The following MGAM variants were observed in gnomAD, a reference collection of about 807,000 sequenced individuals.
MGAM encodes the protein maltase-glucoamylase.
MGAM carries 253 observed loss-of-function variants against 358.8 expected under a neutral mutation model. That is an observed-to-expected ratio of 0.71 (90% CI 0.64 to 0.78). The LOEUF (loss-of-function observed/expected upper bound fraction) is 0.78. Among genes scored for constraint, MGAM ranks in the 30% least tolerant of loss-of-function variants. MGAM has a pLI of 0.00. For missense variants in MGAM, 3,080 were observed against 3,432.6 expected (o/e 0.90, Z 2.57); for synonymous variants, 1,105 against 1,227.1 (o/e 0.90, Z 2.08).
chr7:142,019,230 A>C lies in MGAM; in HGVS notation c.359A>C (p.Asn120Thr), dbSNP rs576626552. 4 of 1,613,586 alleles carry C rather than the reference A, an allele frequency of 2.5e-6. No individual in the cohort carries two copies. The African/African-American group carries it at 5.3e-5, about 22-fold the overall frequency. ...TGTGACCAACGTGGCTGTTGCTGGAATCCCCAGGGAGCTGTAAGTGTTCCC... is the reference window on the plus strand; with the variant it reads ...TGTGACCAACGTGGCTGTTGCTGGACTCCCCAGGGAGCTGTAAGTGTTCCC... ...ATCDQRGCCW[N>T]PQGAVSVPWC... The change falls in exon 4 of 71, where the codon AAT becomes ACT. Residue 120 changes from asparagine (N) to threonine (T), a missense_variant. Transcript: ENST00000475668.
At chr7:142,065,156 C>T (rs1017786231) in intron 37 of MGAM, among the ~76,000 whole-genome samples, 179 bp from the exon 38 acceptor site, 9 of 152,108 alleles carry the variant, frequency 5.9e-5, no homozygotes, top group Non-Finnish European at 1.3e-4. Flanking sequence ...TGTGAGAACA[C>T]GTGACTCATT....
Position 142,066,790 on chromosome 7 carries a change from A to G in MGAM, c.4919+69A>G. On this transcript the variant is annotated intron_variant, in intron 41 of 70. Transcript: ENST00000475668. ...TGCATTCTATGTGGTAGCAGTTGATATACACAACGCTTCCAAATTAAAGAC... is the reference window on the plus strand; with the variant it reads ...TGCATTCTATGTGGTAGCAGTTGATGTACACAACGCTTCCAAATTAAAGAC... 2 of 1,476,012 alleles carry G rather than the reference A, an allele frequency of 1.4e-6. 1 individual carries two copies. Among genetic ancestry groups the G allele is most frequent in the Non-Finnish European group, 1.9e-6 (2 of 1,076,536 alleles). 91.4% of individuals were successfully genotyped at this position (1,476,012 alleles called of 1,614,324 possible). A position where few individuals can be genotyped will look rare whatever the true frequency, so the allele number is the denominator to read the frequency against.
chr7:142,103,306 T>C lies in MGAM; in HGVS notation c.8051T>C (p.Ile2684Thr). The part of the protein sequence containing the change: ...MQSHIIFNNY[I>T]TGTNPLKLGY... ...AGCCATATAATTTTCAACAATTACA[T>C]CACTGGTACAAATCCTTTGAAACTG... is the stretch of plus-strand genomic sequence containing the variant. Residue 2684 changes from isoleucine (I) to threonine (T), a missense_variant, in exon 70 of 71, where the codon ATC becomes ACC. By Grantham distance (89) the Ile-to-Thr change is moderately conservative. Coordinates refer to ENST00000475668, the MANE Select transcript of MGAM (RefSeq NM_001365693.1). 1 of 1,611,800 alleles carries C rather than the reference T, an allele frequency of 6.2e-7. No homozygotes were observed. Among genetic ancestry groups the C allele is most frequent in the East Asian group, 2.2e-5 (1 of 44,830 alleles).
chr7:142,025,811 T>G (rs1806912236), intron 8 of MGAM, among the ~76,000 whole-genome samples: 2 of 152,338 alleles, frequency 1.3e-5, no homozygotes, highest in Middle Eastern at 3.4e-3. Flanking sequence ...GATCTGATTC[T>G]CCACCACAGA....
chr7:142,041,580 G>A (rs1808546534), intron 21 of MGAM, among the ~76,000 whole-genome samples: 1 of 151,722 alleles, frequency 6.6e-6, no homozygotes, highest in Non-Finnish European at 1.5e-5. Context: ...TTCATTAATA[G>A]GGTATTCAAA....
chr7:142,049,664 A>G (rs1295753283), intron 22 of MGAM, among the ~76,000 whole-genome samples: 1 of 152,220 alleles, frequency 6.6e-6, no homozygotes, highest in Non-Finnish European at 1.5e-5. Flanking sequence ...TTTCCAAGGA[A>G]GACATACAAG....
chr7:142,096,416 G>A lies in MGAM; in HGVS notation c.7692+1G>A. The A allele has an allele frequency of 1.2e-6, 2 of 1,613,774 alleles. No homozygotes were observed. The highest frequency in any genetic ancestry group is 1.1e-5 in the South Asian group (1 of 91,070). ...CCTGGTCAGCCCTGTCCTGGAGCGT[G>A]TGAGTATGGAGGCCTCCGATGAGGG... On this transcript the variant is annotated splice_donor_variant, in intron 65 of 70. Transcript: ENST00000475668. LOFTEE classifies it high-confidence loss of function.
rs192382844 is a variant in MGAM at position 142,043,628 on chromosome 7, T to A, written c.2498+2782T>A. On this transcript the variant is annotated intron_variant, in intron 21 of 70. Coordinates refer to ENST00000475668, the MANE Select transcript of MGAM (RefSeq NM_001365693.1). ...TAATATCTAATATATAATACATATATTATATATACATATACTATCTAATAT... is the reference window on the plus strand; with the variant it reads ...TAATATCTAATATATAATACATATAATATATATACATATACTATCTAATAT... 7.6e-3 allele frequency among the ~76,000 whole-genome samples: 488 copies of A among 64,456 alleles called. 52 individuals are homozygous for A. Among genetic ancestry groups the A allele is most frequent in the Admixed American group, 0.013 (60 of 4,782 alleles). 42.3% of individuals were successfully genotyped at this position (64,456 alleles called of 152,430 possible).
rs763135415 is a variant in MGAM, at chr7:142,091,959, C to A, written c.6857C>A (p.Thr2286Asn). ...TTCCCAGACTTTTTCCGTAATTCAA[C>A]TGCCAAGTGGTGGAAGAGGGAAATA... is the stretch of plus-strand genomic sequence containing the variant. ...VAFPDFFRNSTAKWWKREIEE... is the reference protein window; with the variant it reads ...VAFPDFFRNSNAKWWKREIEE... The change falls in exon 58 of 71, where the codon ACT becomes AAT. Residue 2286 changes from threonine (T) to asparagine (N), a missense_variant. Around this residue, in one of 5 missense-constraint regions of MGAM, gnomAD observed 932 missense variants for 1,198.2 expected, o/e 0.78. Transcript: ENST00000475668. The A allele has an allele frequency of 6.5e-7, 1 of 1,534,148 alleles. No individual in the cohort carries two copies. The highest frequency in any genetic ancestry group is 8.9e-7 in the Non-Finnish European group (1 of 1,117,744).
chr7:142,035,662 G>T (rs1807921179), intron 16 of MGAM, among the ~76,000 whole-genome samples: 3 of 152,126 alleles, frequency 2.0e-5, no homozygotes, highest in Admixed American at 2.0e-4. Context: ...TATCTATAAG[G>T]ATTGGTGTGT....
chr7:142,098,224 GA>G (rs1168162194), intron 66 of MGAM, among the ~76,000 whole-genome samples: 1 of 5,344 alleles, frequency 1.9e-4, no homozygotes, highest in Admixed American at 0.02. Context: ...AGGAAGCAAT[GA>G]AGAGCTCCTT....
intron 42 of MGAM, among the ~76,000 whole-genome samples, chr7:142,067,935 AAT>A (rs547783903): frequency 0.079 from 2,223 of 28,092 alleles, 172 homozygotes; most frequent in African/African-American, 0.13. Flanking sequence ...ACCTCCCTCA[AAT>A]ATATATATAT....
intron 65 of MGAM, among the ~76,000 whole-genome samples, 179 bp from the exon 66 acceptor site, chr7:142,097,414 G>T (rs1302641709): frequency 6.6e-6 from 1 of 152,108 alleles, no homozygotes; most frequent in Non-Finnish European, 1.5e-5. Flanking sequence ...GGGGTAGACA[G>T]ATCTCTCCTG....
chr7:142,057,989 C>A (rs1811722263), intron 30 of MGAM, among the ~76,000 whole-genome samples: 4 of 152,254 alleles, frequency 2.6e-5, no homozygotes, highest in South Asian at 4.1e-4. Flanking sequence ...AATAGCGTAA[C>A]ATCAGATTTT....
chr7:142,052,761 A>C (rs1238938224), intron 25 of MGAM, 23 bp from the exon 26 acceptor site: 1 of 1,612,788 alleles, frequency 6.2e-7, no homozygotes, highest in East Asian at 2.2e-5. Flanking sequence ...GTGCTGATCT[A>C]TGACTTTGGC....
intron 22 of MGAM, among the ~76,000 whole-genome samples, chr7:142,049,368 A>G (rs909939685): frequency 1.3e-5 from 2 of 152,202 alleles, no homozygotes; most frequent in Non-Finnish European, 2.9e-5. Context: ...CACAGGAAAC[A>G]ACCTCCTTGA....
chr7:142,052,991 A>C lies in MGAM; in HGVS notation c.3159+7A>C. ...TGAAATGCTGCAGTTCAAGGTAAAC[A>C]CAGTACATGTATCAGGTAGTGATTA... On this transcript the variant is annotated splice_region_variant and intron_variant, in intron 26 of 70. Transcript: ENST00000475668. 2 of 1,613,170 alleles carry C rather than the reference A, an allele frequency of 1.2e-6. No individual in the cohort carries two copies. Among genetic ancestry groups the C allele is most frequent in the Non-Finnish European group, 1.7e-6 (2 of 1,179,260 alleles).
At chr7:142,088,909 A>G (rs374903525) in intron 57 of MGAM, among the ~76,000 whole-genome samples, 2 of 142,208 alleles carry the variant, frequency 1.4e-5, no homozygotes, top group African/African-American at 5.0e-5. Flanking sequence ...CACCCTATCT[A>G]TCCAAATCCC....
chr7:142,094,588 C>G lies in MGAM; in HGVS notation c.7307-32C>G, dbSNP rs747599939. The G allele has an allele frequency of 2.5e-6, 4 of 1,582,776 alleles. 1 individual carries two copies. On this transcript the variant is annotated intron_variant, in intron 61 of 70. Transcript: ENST00000475668. Reference sequence around the variant, plus strand: ...GAGGAGGCAGGTCGTGAGAGCGAGCCTGGTGTGACACAGCTGTGCTTCTCG... The same window carrying G: ...GAGGAGGCAGGTCGTGAGAGCGAGCGTGGTGTGACACAGCTGTGCTTCTCG...
Sources: gnomAD v4.1 joint callset for allele counts (sites outside exome capture counted in the v4.1 genomes callset) on GRCh38, gnomAD v4.1.1 for gene constraint, gnomAD v4.1.1 regional missense constraint, MANE v1.5 for transcripts, NCBI Gene and HGNC (gene_info 2026-07-23, HGNC 2026-07-21) for gene names.